EXOC6: variants seen among roughly 807,000 people sequenced by gnomAD.
The protein encoded by EXOC6 is SEC15-like 1.
Under a neutral mutation model 112.5 loss-of-function variants are expected in EXOC6, and 60 were observed. The ratio of observed to expected loss-of-function variants is 0.53; its 90% CI spans 0.43 to 0.66. The LOEUF (loss-of-function observed/expected upper bound fraction) is 0.66. Ranked by LOEUF, EXOC6 falls within the 30% of genes least tolerant of loss-of-function variation. The pLI, the probability that EXOC6 is intolerant of heterozygous loss-of-function variation, is 0.00. For missense variants in EXOC6, 855 were observed against 957.1 expected, an observed-to-expected ratio of 0.89 and a Z score of 1.41; for synonymous variants, 295 against 308.0, an observed-to-expected ratio of 0.96 and a Z score of 0.44.
chr10:92,900,747 T>A (rs1850120828), intron 5 of EXOC6: 1 of 152,090 alleles, frequency 6.6e-6, no homozygotes, highest in Non-Finnish European at 1.5e-5. Flanking sequence ...CCTCTTTTAA[T>A]GGATTATTTT....
chr10:92,926,627 A>G (rs7082382), intron 8 of EXOC6, among the ~76,000 whole-genome samples: 119,054 of 152,024 alleles, frequency 0.78, 47,893 homozygotes, highest in East Asian at 1. Flanking sequence ...TTGAACTCCC[A>G]AACTCAAACG....
intron 7 of EXOC6, among the ~76,000 whole-genome samples, chr10:92,919,613 G>A (rs534872623): frequency 1.8e-4 from 27 of 152,158 alleles, no homozygotes; most frequent in African/African-American, 6.3e-4. Context: ...CAGGAACTTT[G>A]TCTATAGCCA....
intron 18 of EXOC6, among the ~76,000 whole-genome samples, chr10:92,974,943 T>C (rs1476437085): frequency 6.6e-6 from 1 of 152,180 alleles, no homozygotes. Context: ...CCACCTGCCT[T>C]GGCCTCCCAA....
At chr10:93,009,309 A>T (rs2134218582) in intron 19 of EXOC6, among the ~76,000 whole-genome samples, 1 of 152,376 alleles carries the variant, frequency 6.6e-6, no homozygotes, top group South Asian at 2.1e-4. Context: ...TTCTAAATCT[A>T]ATCAACAAGC....
chr10:92,832,692 C>CTTTTT (rs11396161), upstream of EXOC6, among the ~76,000 whole-genome samples: 1 of 145,318 alleles, frequency 6.9e-6, no homozygotes. Flanking sequence ...ACATAAAGAA[C>CTTTTT]TTTTTTTTTT....
intron 19 of EXOC6, among the ~76,000 whole-genome samples, chr10:93,008,117 T>C (rs919949721): frequency 1.3e-5 from 2 of 151,922 alleles, no homozygotes; most frequent in African/African-American, 2.4e-5. Flanking sequence ...AGGGGTTGCA[T>C]TGAGCCAAAA....
At chr10:93,022,800 A>G (rs1279029489) in intron 20 of EXOC6, among the ~76,000 whole-genome samples, 3 of 151,954 alleles carry the variant, frequency 2.0e-5, no homozygotes, top group Non-Finnish European at 4.4e-5. Flanking sequence ...TTTTTTTTTT[A>G]ATCAGATGTT....
intron 17 of EXOC6, among the ~76,000 whole-genome samples, chr10:92,959,921 A>G (rs1853892138): frequency 1.3e-5 from 2 of 152,218 alleles, no homozygotes; most frequent in Admixed American, 1.3e-4. Flanking sequence ...GGAATGCAAA[A>G]TGCTACAGCC....
chr10:93,057,204 T>C (rs1846587008), intron 21 of EXOC6, among the ~76,000 whole-genome samples, 168 bp downstream of exon 21: 1 of 152,122 alleles, frequency 6.6e-6, no homozygotes, highest in South Asian at 2.1e-4. Flanking sequence ...CCCTTCAGAG[T>C]TGGTGTAGTT....
intron 18 of EXOC6, among the ~76,000 whole-genome samples, chr10:92,997,099 T>C (rs1020319985): frequency 1.4e-4 from 21 of 152,222 alleles, no homozygotes; most frequent in African/African-American, 5.1e-4. Flanking sequence ...GAGCATTAAA[T>C]GGATAAAATG....
chr10:92,886,917 A>G (rs1339770438), intron 1 of EXOC6, among the ~76,000 whole-genome samples: 2 of 152,182 alleles, frequency 1.3e-5, no homozygotes, highest in Admixed American at 1.3e-4. Context: ...GAGATAATGC[A>G]TGTAAAGCAC....
intron 1 of EXOC6, among the ~76,000 whole-genome samples, chr10:92,858,376 C>T (rs1024324247): frequency 4.6e-5 from 7 of 152,158 alleles, no homozygotes; most frequent in Non-Finnish European, 1.0e-4. Flanking sequence ...TTAATGATGT[C>T]CACATTTATT....
chr10:93,057,105 C>A, intron 21 of EXOC6, 69 bp downstream of exon 21: 1 of 795,252 alleles, frequency 1.3e-6, no homozygotes, highest in Non-Finnish European at 2.0e-6. Flanking sequence ...AACTGAAGAA[C>A]TAGAGATTTC....
At chr10:92,851,371 C>CG (rs1847322769) in intron 1 of EXOC6, among the ~76,000 whole-genome samples, 2 of 152,212 alleles carry the variant, frequency 1.3e-5, no homozygotes, top group South Asian at 4.2e-4. Context: ...CAGGGCCAGG[C>CG]GCGGTGGCTC....
chr10:92,994,541 T>C (rs1355120994), intron 18 of EXOC6, among the ~76,000 whole-genome samples: 2 of 152,300 alleles, frequency 1.3e-5, no homozygotes, highest in East Asian at 3.9e-4. Context: ...ATGTTGGTAA[T>C]AGTTGCAATT....
chr10:93,040,379 G>A (rs1015515612), intron 20 of EXOC6, among the ~76,000 whole-genome samples: 3 of 152,132 alleles, frequency 2.0e-5, no homozygotes, highest in African/African-American at 7.2e-5. Context: ...CTCCCAAGTA[G>A]CTGGGACTAC....
intron 1 of EXOC6, among the ~76,000 whole-genome samples, chr10:92,853,121 T>A (rs985860878): frequency 1.3e-5 from 2 of 152,152 alleles, no homozygotes. Context: ...AATCAGAAAT[T>A]GAAATTTAAA....
chr10:93,014,077 A>C (rs1419369651), intron 19 of EXOC6, 117 bp from the exon 20 acceptor site: 2 of 730,680 alleles, frequency 2.7e-6, no homozygotes, highest in East Asian at 5.7e-5. Flanking sequence ...CTTCATTTGA[A>C]ATGATTATGT....
intron 20 of EXOC6, among the ~76,000 whole-genome samples, chr10:93,026,463 T>C (rs1421311979): frequency 1.3e-5 from 2 of 152,222 alleles, no homozygotes; most frequent in Non-Finnish European, 2.9e-5. Flanking sequence ...GGTTTTAATA[T>C]ACAGGCATAC....
Sources: allele counts gnomAD v4.1 joint callset (sites outside exome capture counted in the v4.1 genomes callset), GRCh38; gene constraint gnomAD v4.1.1; transcripts MANE v1.5; gene names NCBI Gene and HGNC (gene_info 2026-07-23, HGNC 2026-07-21).